The following PPP1R12A variants were observed in gnomAD, a reference collection of about 807,000 sequenced individuals.
PPP1R12A encodes myosin binding subunit.
In PPP1R12A, 19 loss-of-function variants were observed where a neutral mutation model predicts 139.6. The ratio of observed to expected loss-of-function variants is 0.14; its 90% CI spans 0.09 to 0.20. PPP1R12A has a LOEUF of 0.20. Among genes scored for constraint, PPP1R12A ranks in the 10% least tolerant of loss-of-function variants. The pLI is 1.00. For synonymous variants in PPP1R12A, 427 were observed against 420.6 expected (o/e 1.02, Z -0.19); for missense variants, 925 against 1,211.5 (o/e 0.76, Z 3.51).
intron 3 of PPP1R12A, among the ~76,000 whole-genome samples, chr12:79,834,529 C>T (rs1877841617): frequency 6.6e-6 from 1 of 152,084 alleles, no homozygotes; most frequent in Non-Finnish European, 1.5e-5. Flanking sequence ...CTGGGTTTTT[C>T]AAGGCTTACC....
chr12:79,914,631 A>C (rs1455044385), intron 1 of PPP1R12A, among the ~76,000 whole-genome samples: 1 of 152,020 alleles, frequency 6.6e-6, no homozygotes. Context: ...TTACAGTTAG[A>C]GTAGGCATGT....
chr12:79,883,308 A>C (rs1883817423), intron 1 of PPP1R12A, among the ~76,000 whole-genome samples: 1 of 152,208 alleles, frequency 6.6e-6, no homozygotes, highest in African/African-American at 2.4e-5. Context: ...CATTACATTT[A>C]ATAGACTACG....
chr12:79,815,060 C>T (rs1177005868), intron 9 of PPP1R12A, among the ~76,000 whole-genome samples: 1 of 151,986 alleles, frequency 6.6e-6, no homozygotes, highest in Admixed American at 6.6e-5. Flanking sequence ...AGATTACTGG[C>T]CCACTATACT....
chr12:79,912,370 C>T (rs1886642852), intron 1 of PPP1R12A, among the ~76,000 whole-genome samples: 1 of 152,102 alleles, frequency 6.6e-6, no homozygotes, highest in Non-Finnish European at 1.5e-5. Flanking sequence ...ATGACCGGCA[C>T]ACACAAGGCA....
rs984493245 is a variant in PPP1R12A, at chr12:79,935,033, C to T, written c.-102G>A. 7 of 1,449,708 alleles carry T rather than the reference C, an allele frequency of 4.8e-6. No individual in the cohort carries two copies. The highest frequency in any genetic ancestry group is 6.4e-6 in the Non-Finnish European group (7 of 1,100,354). The allele number at this position is 1,449,708 out of a possible 1,614,324, so 89.8% of individuals were successfully genotyped here. The stretch of plus-strand genomic sequence containing the variant: ...GGGTGTGTGAATGTTTCTATGAGTG[C>T]GGGCCAGAGGAGGGCTGGGAACCCG... On this transcript the variant is annotated 5_prime_UTR_variant, in exon 1 of 25. Transcript: ENST00000450142.
intron 1 of PPP1R12A, among the ~76,000 whole-genome samples, chr12:79,898,368 A>G (rs748326852): frequency 2.6e-5 from 4 of 152,160 alleles, no homozygotes; most frequent in African/African-American, 4.8e-5. Context: ...AGGCAGAAGA[A>G]CTGCTTGAAC....
chr12:79,787,857 CT>C (rs1871317942), intron 21 of PPP1R12A: 1 of 152,158 alleles, frequency 6.6e-6, no homozygotes, highest in Non-Finnish European at 1.5e-5. Flanking sequence ...TATAAAATTG[CT>C]TTTCTACTTC....
intron 23 of PPP1R12A, among the ~76,000 whole-genome samples, chr12:79,781,295 C>CT (rs946442889): frequency 1.1e-4 from 16 of 151,896 alleles, no homozygotes; most frequent in South Asian, 2.1e-4. Context: ...TTCTTGTAAT[C>CT]TTTTTTTTGT....
chr12:79,926,722 C>T (rs1191809864), intron 1 of PPP1R12A, among the ~76,000 whole-genome samples: 4 of 126,838 alleles, frequency 3.2e-5, no homozygotes, highest in Non-Finnish European at 6.5e-5. Flanking sequence ...AAACAAAATG[C>T]CGATACAAAA....
chr12:79,908,854 T>C (rs563526178), intron 1 of PPP1R12A, among the ~76,000 whole-genome samples: 1 of 152,186 alleles, frequency 6.6e-6, no homozygotes, highest in Non-Finnish European at 1.5e-5. Context: ...CCACCCATGA[T>C]TATCAACAGT....
At chr12:79,931,290 A>G (rs966614577) in intron 1 of PPP1R12A, among the ~76,000 whole-genome samples, 5 of 152,216 alleles carry the variant, frequency 3.3e-5, no homozygotes, top group Non-Finnish European at 5.9e-5. Context: ...GTGAACTTGT[A>G]TTTACTATAT....
chr12:79,797,367 G>T lies in PPP1R12A; in HGVS notation c.2120C>A (p.Ala707Asp). 6.2e-7 allele frequency: 1 copy of T among 1,601,986 alleles called. No individual in the cohort carries two copies. The highest frequency in any genetic ancestry group is 8.5e-7 in the Non-Finnish European group (1 of 1,174,666). Residue 707 changes from alanine to aspartate, a missense_variant, in exon 16 of 25, where the codon GCT becomes GAT. Physicochemically the swap from Ala to Asp is moderately radical, Grantham distance 126. Coordinates refer to ENST00000450142, the MANE Select transcript of PPP1R12A (RefSeq NM_002480.3). ...QGVTLTDLQEAEKTIGRSRST... is the reference protein window; with the variant it reads ...QGVTLTDLQEDEKTIGRSRST... Reference sequence around the variant, plus strand: ...ACGACTTCTTCCTATTGTTTTCTCAGCTTCTTGAAGATCAGTTAATGTCAC... The same window carrying T: ...ACGACTTCTTCCTATTGTTTTCTCATCTTCTTGAAGATCAGTTAATGTCAC...
intron 22 of PPP1R12A, among the ~76,000 whole-genome samples, chr12:79,783,441 T>C (rs893564539): frequency 6.6e-6 from 1 of 152,038 alleles, no homozygotes; most frequent in African/African-American, 2.4e-5. Flanking sequence ...GCACTCCAGC[T>C]TGAGTGACAC....
intron 1 of PPP1R12A, among the ~76,000 whole-genome samples, chr12:79,890,901 CCACCCA>C (rs201334521): frequency 3.2e-3 from 99 of 30,966 alleles, no homozygotes; most frequent in African/African-American, 0.013. Context: ...CCACCCACAC[CCACCCA>C]CACACACACA....
chr12:79,901,515 CA>C lies in PPP1R12A; in HGVS notation c.238-28578del, dbSNP rs1404538544. On this transcript the variant is annotated intron_variant, in intron 1 of 24. Transcript: ENST00000450142. ...TCCTTGTTTGTGAATGGTGTCATTA[CA>C]AAAAAAAAAAGTATGTGAAAAGTGC... Among the ~76,000 whole-genome samples, 214 of 137,950 alleles carry C rather than the reference CA, an allele frequency of 1.6e-3. 2 individuals carry two copies. The highest frequency in any genetic ancestry group is 7.2e-3 in the Middle Eastern group (2 of 278). 90.5% of individuals were successfully genotyped at this position (137,950 alleles called of 152,430 possible).
rs1256820863 is a variant in PPP1R12A, at chr12:79,801,592, TAG to T, written c.2001-3010_2001-3009del. 2.0e-5 allele frequency among the ~76,000 whole-genome samples: 3 copies of T among 152,108 alleles called. No homozygotes were observed. In the East Asian group the frequency reaches 5.8e-4, roughly 29 times the overall value. On this transcript the variant is annotated intron_variant, in intron 14 of 24. Transcript: ENST00000450142. ...TCTACCATTTTTTCAAAACTCCTTT[TAG>T]AGAGCCCTCATTCTTTTTATATATA...
chr12:79,775,428 G>A lies in PPP1R12A; in HGVS notation c.*501C>T, dbSNP rs1292455521. On this transcript the variant is annotated 3_prime_UTR_variant, in exon 25 of 25. Transcript: ENST00000450142. ...AAGACTCTGCCACATGAAGAGTTTA[G>A]AAGGAAAAAATACAAACCCAAACTT... is the stretch of plus-strand genomic sequence containing the variant. 1 of 152,308 alleles carries A rather than the reference G, an allele frequency of 6.6e-6. No individual in the cohort carries two copies. The highest frequency in any genetic ancestry group is 1.9e-4 in the East Asian group (1 of 5,200). 9.4% of individuals were successfully genotyped at this position (152,308 alleles called of 1,614,324 possible).
intron 1 of PPP1R12A, among the ~76,000 whole-genome samples, chr12:79,884,653 C>A (rs1883941874): frequency 6.6e-6 from 1 of 152,038 alleles, no homozygotes; most frequent in African/African-American, 2.4e-5. Flanking sequence ...GTTTACTGAA[C>A]CATATAAGGA....
intron 3 of PPP1R12A, among the ~76,000 whole-genome samples, chr12:79,842,796 C>A (rs537194756): frequency 2.6e-5 from 4 of 152,124 alleles, no homozygotes; most frequent in African/African-American, 7.2e-5. Flanking sequence ...CTGGAACACA[C>A]GAGCTAAAGC....
Sources: gnomAD v4.1 joint callset for allele counts (sites outside exome capture counted in the v4.1 genomes callset) on GRCh38, gnomAD v4.1.1 for gene constraint, MANE v1.5 for transcripts, NCBI Gene and HGNC (gene_info 2026-07-23, HGNC 2026-07-21) for gene names.